Variants in ARHGEF28 observed in about 807,000 individuals in gnomAD.
ARHGEF28 encodes Rho guanine nucleotide exchange factor 28, also known as 190 kDa guanine nucleotide exchange factor.
Under a neutral mutation model 206.6 loss-of-function variants are expected in ARHGEF28, and 152 were observed. That is an observed-to-expected ratio of 0.74 (90% CI 0.64 to 0.84). The LOEUF (loss-of-function observed/expected upper bound fraction) is 0.84. Among genes scored for constraint, ARHGEF28 ranks in the 40% least tolerant of loss-of-function variants. The pLI is 0.00. For synonymous variants in ARHGEF28, 763 were observed against 776.4 expected, an observed-to-expected ratio of 0.98 and a Z score of 0.29; for missense variants, 2,028 against 2,073.2, an observed-to-expected ratio of 0.98 and a Z score of 0.42.
chr5:73,671,571 T>C (rs927050438), intron 1 of ARHGEF28, among the ~76,000 whole-genome samples: 1 of 151,418 alleles, frequency 6.6e-6, no homozygotes, highest in African/African-American at 2.4e-5. Context: ...GAGATATTGA[T>C]GAAGAAGCAA....
chr5:73,787,404 T>C (rs1754228585), intron 7 of ARHGEF28, among the ~76,000 whole-genome samples: 2 of 152,176 alleles, frequency 1.3e-5, no homozygotes, highest in South Asian at 2.1e-4. Context: ...TTATTATCAT[T>C]ATTATTAAGT....
intron 2 of ARHGEF28, among the ~76,000 whole-genome samples, chr5:73,723,716 TCTC>T (rs1750104961): frequency 6.6e-6 from 1 of 152,154 alleles, no homozygotes; most frequent in Admixed American, 6.5e-5. Flanking sequence ...CCATTCAAAA[TCTC>T]CTCTGTCACC....
intron 2 of ARHGEF28, among the ~76,000 whole-genome samples, chr5:73,749,396 G>T (rs1373099678): frequency 6.6e-6 from 1 of 152,174 alleles, no homozygotes; most frequent in Admixed American, 6.5e-5. Flanking sequence ...GCTGGGTGTG[G>T]TGGCACATCC....
intron 2 of ARHGEF28, among the ~76,000 whole-genome samples, chr5:73,693,428 G>A (rs944510792): frequency 3.3e-5 from 5 of 152,132 alleles, no homozygotes; most frequent in Admixed American, 2.0e-4. Flanking sequence ...AAGCTCATTT[G>A]CTCACAAGAA....
intron 35 of ARHGEF28, among the ~76,000 whole-genome samples, chr5:73,928,277 A>T (rs953977347): frequency 6.6e-6 from 1 of 152,144 alleles, no homozygotes; most frequent in Non-Finnish European, 1.5e-5. Flanking sequence ...TTAGCCAGGC[A>T]TGGTGGCAGG....
rs540365356 is a variant in ARHGEF28, at chr5:73,637,660, G to T, written c.-12+11338G>T. On this transcript the variant is annotated intron_variant, in intron 1 of 35. Coordinates refer to ENST00000513042, the MANE Select transcript of ARHGEF28 (RefSeq NM_001177693.2). ...TTTTTTACTTCAGGGAGTTTTGGGA[G>T]TGTTATTTGATTTTTTGAGCCTTTA... Among the ~76,000 whole-genome samples, 779 of 152,300 alleles carry T rather than the reference G, an allele frequency of 5.1e-3. 5 individuals carry two copies. The highest frequency in any genetic ancestry group is 0.018 in the African/African-American group (755 of 41,564).
chr5:73,776,037 T>C (rs1276132118), intron 5 of ARHGEF28, among the ~76,000 whole-genome samples: 1 of 152,222 alleles, frequency 6.6e-6, no homozygotes, highest in Non-Finnish European at 1.5e-5. Context: ...TTTACAACAG[T>C]GGTACCATGT....
At chr5:73,673,600 C>T (rs908481362) in intron 1 of ARHGEF28, among the ~76,000 whole-genome samples, 9 of 152,032 alleles carry the variant, frequency 5.9e-5, no homozygotes, top group African/African-American at 2.2e-4. Flanking sequence ...TCATTTTGGT[C>T]AGTTTAATAT....
intron 2 of ARHGEF28, among the ~76,000 whole-genome samples, chr5:73,690,483 T>G (rs1436503260): frequency 8.0e-6 from 1 of 125,388 alleles, no homozygotes; most frequent in African/African-American, 3.1e-5. Flanking sequence ...TGCTTAGTCC[T>G]CCCTAGATCA....
At chr5:73,800,346 G>A (rs967456036) in intron 9 of ARHGEF28, among the ~76,000 whole-genome samples, 2 of 152,124 alleles carry the variant, frequency 1.3e-5, no homozygotes, top group Non-Finnish European at 2.9e-5. Context: ...TCTATAAGAC[G>A]AAAGGGAAAA....
intron 2 of ARHGEF28, among the ~76,000 whole-genome samples, chr5:73,710,481 G>C (rs1749175402): frequency 6.6e-6 from 1 of 151,974 alleles, no homozygotes; most frequent in Non-Finnish European, 1.5e-5. Context: ...TTTTCTCCTA[G>C]TCTCTGGCTT....
intron 2 of ARHGEF28, among the ~76,000 whole-genome samples, chr5:73,744,829 C>T (rs1227278315): frequency 6.6e-6 from 1 of 151,972 alleles, no homozygotes; most frequent in Non-Finnish European, 1.5e-5. Flanking sequence ...TATTAACTTC[C>T]CATTTTTGCC....
intron 26 of ARHGEF28, among the ~76,000 whole-genome samples, chr5:73,890,269 T>G (rs1761545908): frequency 6.6e-6 from 1 of 152,224 alleles, no homozygotes; most frequent in Non-Finnish European, 1.5e-5. Flanking sequence ...TCCCCTCCCC[T>G]GCAACACTAA....
intron 11 of ARHGEF28, 52 bp downstream of exon 11, chr5:73,840,812 G>A (rs766196688): frequency 5.3e-6 from 8 of 1,507,520 alleles, no homozygotes; most frequent in African/African-American, 1.4e-5. Context: ...GAACCTTATA[G>A]GTAGACTTCA....
intron 1 of ARHGEF28, among the ~76,000 whole-genome samples, chr5:73,662,112 T>A (rs544255123): frequency 1.3e-5 from 2 of 152,346 alleles, no homozygotes; most frequent in South Asian, 4.1e-4. Flanking sequence ...GTTTCTTGGA[T>A]TACATTTCTT....
chr5:73,852,599 A>G (rs1361079696), intron 13 of ARHGEF28, 51 bp from the exon 14 acceptor site: 12 of 1,536,986 alleles, frequency 7.8e-6, no homozygotes, highest in African/African-American at 2.7e-5. Flanking sequence ...CTAACATATG[A>G]CTGCCAGTTT....
At chr5:73,691,595 G>A (rs998128080) in intron 2 of ARHGEF28, among the ~76,000 whole-genome samples, 32 of 152,174 alleles carry the variant, frequency 2.1e-4, no homozygotes, top group African/African-American at 7.7e-4. Flanking sequence ...CGATTCTGCT[G>A]TGTGCTAAAG....
intron 7 of ARHGEF28, among the ~76,000 whole-genome samples, chr5:73,791,440 T>A (rs1443223212): frequency 2.6e-5 from 4 of 152,212 alleles, no homozygotes; most frequent in Admixed American, 1.3e-4. Flanking sequence ...ACCCTGTAGA[T>A]GTAAGCCAGT....
At chr5:73,687,127 A>G (rs1225328036) in intron 2 of ARHGEF28, among the ~76,000 whole-genome samples, 1 of 152,132 alleles carries the variant, frequency 6.6e-6, no homozygotes, top group Non-Finnish European at 1.5e-5. Context: ...GGTGCTACAT[A>G]AATTAATTGC....
Sources: gnomAD v4.1 joint callset for allele counts (sites outside exome capture counted in the v4.1 genomes callset) on GRCh38, gnomAD v4.1.1 for gene constraint, MANE v1.5 for transcripts, NCBI Gene and HGNC (gene_info 2026-07-23, HGNC 2026-07-21) for gene names.